Variants in GTF3C3 observed in about 807,000 individuals in gnomAD.
GTF3C3 encodes the protein general transcription factor IIIC subunit 3, also known as general transcription factor 3C polypeptide 3.
GTF3C3 carries 75 observed loss-of-function variants against 105.2 expected under a neutral mutation model. The ratio of observed to expected loss-of-function variants is 0.71; its 90% CI spans 0.59 to 0.86. GTF3C3 has a LOEUF of 0.86. Ranked by LOEUF, GTF3C3 falls within the 40% of genes least tolerant of loss-of-function variation. The probability of loss-of-function intolerance (pLI) is 0.00; values close to 1 mark genes in which losing one functional copy is unlikely to be tolerated. For synonymous variants in GTF3C3, 335 were observed against 370.4 expected (o/e 0.90, Z 1.10); for missense variants, 856 against 1,076.5 (o/e 0.80, Z 2.87).
At chr2:196,779,111 C>T (rs370044412) in intron 9 of GTF3C3, 44 bp from the exon 10 acceptor site, 35 of 1,471,696 alleles carry the variant, frequency 2.4e-5, no homozygotes, top group South Asian at 3.5e-5. Flanking sequence ...TCATTACAAA[C>T]GTGCACATCT....
intron 16 of GTF3C3, among the ~76,000 whole-genome samples, chr2:196,768,689 T>C (rs1699115912): frequency 6.6e-6 from 1 of 152,112 alleles, no homozygotes. Flanking sequence ...TCCAATGAAC[T>C]TCCATATTCT....
At chr2:196,785,300 G>T (rs574669975) in intron 7 of GTF3C3, 141 bp downstream of exon 7, 2 of 587,276 alleles carry the variant, frequency 3.4e-6, no homozygotes, top group East Asian at 5.8e-5. Context: ...AATTGCTACA[G>T]AATCTAGAAA....
chr2:196,781,357 A>AAAAATATATATATAT, intron 8 of GTF3C3, among the ~76,000 whole-genome samples: 2 of 18,808 alleles, frequency 1.1e-4, no homozygotes, highest in African/African-American at 2.1e-4. Context: ...AAAAAAAAAA[A>AAAAATATATATATAT]ATATATATAT....
chr2:196,766,486 T>G, intron 17 of GTF3C3, 79 bp downstream of exon 17: 1 of 1,050,336 alleles, frequency 9.5e-7, no homozygotes, highest in Non-Finnish European at 1.4e-6. Flanking sequence ...GAGCTATAAT[T>G]TACTGGCTGG....
intron 8 of GTF3C3, 56 bp downstream of exon 8, chr2:196,784,801 C>T (rs563180301): frequency 1.3e-5 from 19 of 1,504,594 alleles, no homozygotes; most frequent in Non-Finnish European, 1.6e-5. Flanking sequence ...CATAAAACGC[C>T]ACCTTATGAC....
At chr2:196,797,360 G>C (rs1482289125) in intron 2 of GTF3C3, among the ~76,000 whole-genome samples, 2 of 152,184 alleles carry the variant, frequency 1.3e-5, no homozygotes, top group Non-Finnish European at 2.9e-5. Flanking sequence ...TGCTGTGTGT[G>C]AAGTTCCATG....
At chr2:196,772,731 G>A (rs1339864262) in intron 14 of GTF3C3, among the ~76,000 whole-genome samples, 185 bp downstream of exon 14, 1 of 152,154 alleles carries the variant, frequency 6.6e-6, no homozygotes, top group Admixed American at 6.5e-5. Context: ...GTAGGCGTCA[G>A]GGCTGGGATT....
At position 196,764,467 on chromosome 2, in the gene GTF3C3, C is replaced by CAGA; in HGVS notation, c.*95_*96insTCT. 1 of 1,085,452 alleles carries CAGA rather than the reference C, an allele frequency of 9.2e-7. No homozygotes were observed. Among genetic ancestry groups the CAGA allele is most frequent in the Non-Finnish European group, 1.3e-6 (1 of 778,118 alleles). 67.2% of individuals were successfully genotyped at this position (1,085,452 alleles called of 1,614,324 possible). ...GTTTGTTAGGTAATTCTGAAATTGTCATTTCTATTTTGGAGTTACAAATAA... is the reference window on the plus strand; with the variant it reads ...GTTTGTTAGGTAATTCTGAAATTGTCAGAATTTCTATTTTGGAGTTACAAATAA... On this transcript the variant is annotated 3_prime_UTR_variant, in exon 18 of 18. Transcript: ENST00000263956.
chr2:196,783,274 AGGAG>A (rs982131063), intron 8 of GTF3C3, among the ~76,000 whole-genome samples: 101 of 126,798 alleles, frequency 8.0e-4, no homozygotes, highest in Non-Finnish European at 1.0e-3. Context: ...GAAGGAGGGA[AGGAG>A]GGAGGGAGGG....
intron 14 of GTF3C3, among the ~76,000 whole-genome samples, chr2:196,772,702 G>T (rs1303529330): frequency 6.6e-6 from 1 of 152,136 alleles, no homozygotes; most frequent in African/African-American, 2.4e-5. Flanking sequence ...TACCTAACTA[G>T]CCTAAGGTCA....
At chr2:196,768,165 ACG>A (rs1699105728) in intron 16 of GTF3C3, among the ~76,000 whole-genome samples, 1 of 152,006 alleles carries the variant, frequency 6.6e-6, no homozygotes, top group Non-Finnish European at 1.5e-5. Context: ...TTACAGGCAC[ACG>A]CCACCACACC....
At chr2:196,778,066 G>C (rs1355539940) in intron 10 of GTF3C3, 1 of 152,176 alleles carries the variant, frequency 6.6e-6, no homozygotes, top group Non-Finnish European at 1.5e-5. Context: ...TCTGTGATGT[G>C]AGTGCACTAC....
intron 8 of GTF3C3, among the ~76,000 whole-genome samples, chr2:196,781,717 T>A (rs751741771): frequency 2.0e-5 from 3 of 152,004 alleles, no homozygotes; most frequent in Admixed American, 6.6e-5. Context: ...AGACTGTTTT[T>A]ATCACTGAGC....
chr2:196,780,636 G>A lies in GTF3C3; in HGVS notation c.1141C>T (p.Pro381Ser). ...KAPENVTCTI[P>S]DGVPIDITVK... ...GTGATATCTATTGGCACGCCATCAG[G>A]TATAGTGCAGGTAACATTCTCAGGA... Residue 381 changes from proline to serine, a missense_variant, in exon 9 of 18, where the codon CCT (proline) becomes TCT (serine). By Grantham distance (74) the Pro-to-Ser change is moderately conservative (BLOSUM62 -1). Transcript: ENST00000263956. 6.2e-7 allele frequency: 1 copy of A among 1,612,584 alleles called. No individual in the cohort carries two copies. Among genetic ancestry groups the A allele is most frequent in the Non-Finnish European group, 8.5e-7 (1 of 1,178,892 alleles).
chr2:196,797,857 CAG>C lies in GTF3C3; in HGVS notation c.152_153del (p.Ser51Ter). On this transcript the variant is annotated frameshift_variant, in exon 2 of 18. Transcript: ENST00000263956. LOFTEE classifies it high-confidence loss of function. ...TTAATTCCTGATGATGATGGAACTT[CAG>C]AGTCATCGGGATTTTCTTCAGCTGA... ...KLSAEENPDDSEVPSSSGINS... is the reference protein window; with the variant it reads ...KLSAEENPDDXEVPSSSGINS... 1.2e-6 allele frequency: 2 copies of C among 1,613,098 alleles called. No homozygotes were observed. Among genetic ancestry groups the C allele is most frequent in the South Asian group, 1.1e-5 (1 of 91,064 alleles).
At position 196,773,744 on chromosome 2, in the gene GTF3C3, C is replaced by G. The variant is rs897791490; in HGVS notation, c.1832-591G>C. On this transcript the variant is annotated intron_variant, in intron 13 of 17. Coordinates refer to ENST00000263956, the MANE Select transcript of GTF3C3 (RefSeq NM_012086.5). ...AGTACCATCTGGGGGTGATGGGAGACAGTGACAGATCATCAGGCATTCAAT... is the reference window on the plus strand; with the variant it reads ...AGTACCATCTGGGGGTGATGGGAGAGAGTGACAGATCATCAGGCATTCAAT... 1.4e-5 allele frequency: 5 copies of G among 368,628 alleles called. No homozygotes were observed. In the Admixed American group the frequency reaches 1.4e-4, roughly 10 times the overall value. 22.8% of individuals were successfully genotyped at this position (368,628 alleles called of 1,614,324 possible).
chr2:196,797,999 C>T (rs919277356), intron 1 of GTF3C3, 91 bp from the exon 2 acceptor site: 6 of 760,832 alleles, frequency 7.9e-6, no homozygotes, highest in African/African-American at 3.4e-5. Context: ...CCTAGCTTTG[C>T]CACTCGGGCA....
At position 196,766,722 on chromosome 2, in the gene GTF3C3, C is replaced by T. The variant is rs529922933; in HGVS notation, c.2386-5G>A. ...TCGATTAAGAAAGGAAAAGCCCTAA[C>T]CAAAAAGAAAAAGATAATTCAATAT... On this transcript the variant is annotated splice_region_variant and splice_polypyrimidine_tract_variant and intron_variant, in intron 16 of 17. Coordinates refer to ENST00000263956, the MANE Select transcript of GTF3C3 (RefSeq NM_012086.5). The T allele has an allele frequency of 3.7e-6, 6 of 1,601,654 alleles. No individual in the cohort carries two copies. In the East Asian group the frequency reaches 1.3e-4, roughly 36 times the overall value.
chr2:196,791,561 T>C, intron 3 of GTF3C3, 101 bp from the exon 4 acceptor site: 2 of 1,114,884 alleles, frequency 1.8e-6, no homozygotes, highest in Admixed American at 5.6e-5. Context: ...AACTGAAATT[T>C]TCCTTTAAAA....
Sources: gnomAD v4.1 joint callset for allele counts (sites outside exome capture counted in the v4.1 genomes callset) on GRCh38, gnomAD v4.1.1 for gene constraint, MANE v1.5 for transcripts, NCBI Gene and HGNC (gene_info 2026-07-23, HGNC 2026-07-21) for gene names.